Variants in APBA2 observed in about 807,000 individuals in gnomAD.
APBA2 encodes the protein amyloid-beta A4 precursor protein-binding family A member 2.
A neutral mutation model predicts 75.0 loss-of-function variants in APBA2; 30 were observed. The observed-to-expected ratio is 0.40, with a 90% CI of 0.30 to 0.54. The LOEUF (loss-of-function observed/expected upper bound fraction) is 0.54, where lower values mean the gene tolerates loss of function less well. Ranked by LOEUF, APBA2 falls within the 20% of genes least tolerant of loss-of-function variation. The pLI is 0.49. For missense variants in APBA2, 801 were observed against 1,016.1 expected (o/e 0.79, Z 2.88); for synonymous variants, 444 against 409.6 (o/e 1.08, Z -1.01).
At chr15:29,066,563 G>T (rs1199575848) in intron 4 of APBA2, among the ~76,000 whole-genome samples, 1 of 152,090 alleles carries the variant, frequency 6.6e-6, no homozygotes, top group Non-Finnish European at 1.5e-5. Context: ...AGCAGGGAGT[G>T]GGGAGCTGGT....
At chr15:29,009,074 A>G (rs956693063) in intron 3 of APBA2, among the ~76,000 whole-genome samples, 6 of 152,340 alleles carry the variant, frequency 3.9e-5, no homozygotes, top group African/African-American at 1.4e-4. Flanking sequence ...CTAGTGCACC[A>G]AAGTATCCTA....
At chr15:29,066,167 A>T (rs1485299994) in intron 4 of APBA2, among the ~76,000 whole-genome samples, 1 of 151,924 alleles carries the variant, frequency 6.6e-6, no homozygotes, top group African/African-American at 2.4e-5. Flanking sequence ...TTATTCATTC[A>T]TTGGGCCCCA....
intron 2 of APBA2, among the ~76,000 whole-genome samples, chr15:28,923,894 TC>T (rs1261089011): frequency 6.6e-6 from 1 of 152,230 alleles, no homozygotes; most frequent in Non-Finnish European, 1.5e-5. Flanking sequence ...GGGCTCCTCA[TC>T]CCTGTGCTGC....
intron 1 of APBA2, among the ~76,000 whole-genome samples, chr15:28,904,582 T>C (rs544370846): frequency 6.6e-6 from 1 of 152,298 alleles, no homozygotes; most frequent in Admixed American, 6.5e-5. Flanking sequence ...GGGGTTGCCC[T>C]CCCCTCTTCC....
rs551563810 is a variant in APBA2 at position 29,117,362 on chromosome 15, C to CAA, written c.*230_*231dup. 17 of 591,978 alleles carry CAA rather than the reference C, an allele frequency of 2.9e-5. No homozygotes were observed. In the Admixed American group the frequency reaches 3.2e-4, roughly 11 times the overall value. The allele number at this position is 591,978 out of a possible 1,614,324, so 36.7% of individuals were successfully genotyped here. A position where few individuals can be genotyped will look rare whatever the true frequency, so the allele number is the denominator to read the frequency against. ...ACAAATGTTTGTTTGTAAAGCGTTC[C>CAA]AAGTATTTTGCCACGTTCTGGACTG... On this transcript the variant is annotated 3_prime_UTR_variant, in exon 15 of 15. Coordinates refer to ENST00000683413, the MANE Select transcript of APBA2 (RefSeq NM_001353788.2).
chr15:29,052,479 G>A (rs971302889), intron 3 of APBA2, among the ~76,000 whole-genome samples: 2 of 121,114 alleles, frequency 1.7e-5, no homozygotes, highest in Non-Finnish European at 3.2e-5. Context: ...GAAGTAGAAC[G>A]TTAAGCAAAC....
At chr15:29,033,964 CAAAAAA>C (rs34808408) in intron 3 of APBA2, among the ~76,000 whole-genome samples, 916 of 39,568 alleles carry the variant, frequency 0.023, 12 homozygotes, top group African/African-American at 0.076. Flanking sequence ...GACTCCATCT[CAAAAAA>C]AAAAAAAAAA....
intron 3 of APBA2, among the ~76,000 whole-genome samples, chr15:29,021,775 T>G (rs556796873): frequency 5.6e-4 from 85 of 152,210 alleles, no homozygotes; most frequent in Non-Finnish European, 9.6e-4. Context: ...GCTGATACCG[T>G]GTACCCTCGG....
At chr15:28,930,261 A>G (rs1188086380) in intron 2 of APBA2, among the ~76,000 whole-genome samples, 1 of 152,158 alleles carries the variant, frequency 6.6e-6, no homozygotes, top group African/African-American at 2.4e-5. Context: ...CTCAGAAGTC[A>G]TAAGGACCAT....
chr15:29,039,206 G>T (rs1420409418), intron 3 of APBA2, among the ~76,000 whole-genome samples: 1 of 150,456 alleles, frequency 6.6e-6, no homozygotes, highest in East Asian at 2.0e-4. Context: ...GCCCACCAGG[G>T]AGATTCCTGT....
intron 3 of APBA2, among the ~76,000 whole-genome samples, chr15:29,051,605 T>C (rs2041597615): frequency 6.6e-6 from 1 of 152,196 alleles, no homozygotes; most frequent in Admixed American, 6.5e-5. Flanking sequence ...TCCTTCTTCG[T>C]TCTTTTGGGA....
chr15:28,896,505 T>G (rs761052175), intron 1 of APBA2, among the ~76,000 whole-genome samples: 18 of 152,350 alleles, frequency 1.2e-4, no homozygotes, highest in Non-Finnish European at 2.4e-4. Flanking sequence ...GGTCTTGATC[T>G]GCTGACCTCA....
At chr15:28,952,832 AAG>A (rs2035961854) in intron 2 of APBA2, among the ~76,000 whole-genome samples, 1 of 152,234 alleles carries the variant, frequency 6.6e-6, no homozygotes, top group Non-Finnish European at 1.5e-5. Context: ...TGAGAAAAGC[AAG>A]AGTCACTATC....
rs557828841 is a variant in APBA2, at chr15:28,989,733, C to T, written c.-94-6020C>T. On this transcript the variant is annotated intron_variant, in intron 2 of 14. Transcript: ENST00000683413. ...TGACGAGGAGGCAAGCCAGCAGAGG[C>T]GGCCTTGGCGGGCTGTGTACACCCT... 7.2e-5 allele frequency among the ~76,000 whole-genome samples: 11 copies of T among 152,296 alleles called. No individual in the cohort carries two copies. The South Asian group carries it at 1.7e-3, about 23-fold the overall frequency.
intron 1 of APBA2, among the ~76,000 whole-genome samples, chr15:28,902,245 G>C (rs536555998): frequency 6.6e-6 from 1 of 152,116 alleles, no homozygotes; most frequent in African/African-American, 2.4e-5. Context: ...CACATGCCCT[G>C]GGTGCTGTGG....
intron 1 of APBA2, among the ~76,000 whole-genome samples, chr15:28,894,861 G>T (rs902130595): frequency 6.6e-6 from 1 of 151,726 alleles, no homozygotes; most frequent in Admixed American, 6.6e-5. Context: ...AGGTGCTGGT[G>T]GAAGATGCAC....
chr15:29,015,460 G>A (rs2039611895), intron 3 of APBA2, among the ~76,000 whole-genome samples: 1 of 152,204 alleles, frequency 6.6e-6, no homozygotes, highest in African/African-American at 2.4e-5. Flanking sequence ...TCCTGTCTGT[G>A]GTTTGCCTGC....
intron 2 of APBA2, among the ~76,000 whole-genome samples, chr15:28,965,021 GTA>G (rs2036666059): frequency 1.3e-5 from 2 of 151,720 alleles, no homozygotes; most frequent in African/African-American, 2.4e-5. Context: ...TGTGTTTGGT[GTA>G]TGTCTAGGAA....
intron 2 of APBA2, among the ~76,000 whole-genome samples, chr15:28,928,689 G>A (rs1355337093): frequency 6.6e-6 from 1 of 152,148 alleles, no homozygotes; most frequent in Non-Finnish European, 1.5e-5. Context: ...GCAGGCCTTT[G>A]TCCTAGAGAA....
Sources: gnomAD v4.1 joint callset for allele counts (sites outside exome capture counted in the v4.1 genomes callset) on GRCh38, gnomAD v4.1.1 for gene constraint, MANE v1.5 for transcripts, NCBI Gene and HGNC (gene_info 2026-07-23, HGNC 2026-07-21) for gene names.